The following ROBO1 variants were observed in gnomAD, a reference collection of about 807,000 sequenced individuals.
ROBO1 encodes roundabout guidance receptor 1, also known as roundabout homolog 1.
ROBO1 carries 149 observed loss-of-function variants against 195.9 expected under a neutral mutation model. That is an observed-to-expected ratio of 0.76 (90% confidence interval 0.67 to 0.87). The LOEUF is 0.87. Ranked by LOEUF, ROBO1 falls within the 40% of genes least tolerant of loss-of-function variation. The pLI, the probability that ROBO1 is intolerant of heterozygous loss-of-function variation, is 0.00. For missense variants in ROBO1, 1,933 were observed against 2,068.3 expected (o/e 0.93, Z 1.27); for synonymous variants, 816 against 733.2 (o/e 1.11, Z -1.82).
chr3:78,681,758 C>T (rs556348916), intron 10 of ROBO1, among the ~76,000 whole-genome samples: 47 of 152,184 alleles, frequency 3.1e-4, no homozygotes, highest in African/African-American at 1.1e-3. Context: ...AAAAATTAGT[C>T]GGGCGTGGTG....
chr3:79,375,309 G>C (rs1006722282), intron 2 of ROBO1, among the ~76,000 whole-genome samples: 4 of 152,176 alleles, frequency 2.6e-5, no homozygotes, highest in African/African-American at 9.7e-5. Context: ...AGAGGTGCTA[G>C]AAAAACTGAG....
At chr3:79,054,782 T>A (rs113203490) in intron 3 of ROBO1, among the ~76,000 whole-genome samples, 1,854 of 152,020 alleles carry the variant, frequency 0.012, 52 homozygotes, top group African/African-American at 0.042. Context: ...ATAGATGGAA[T>A]CCCCCTGCCA....
At chr3:79,584,585 G>A (rs569081298) in intron 2 of ROBO1, among the ~76,000 whole-genome samples, 1 of 150,140 alleles carries the variant, frequency 6.7e-6, no homozygotes, top group African/African-American at 2.5e-5. Flanking sequence ...TGTAACAAGA[G>A]ACCTCCATGA....
intron 1 of ROBO1, among the ~76,000 whole-genome samples, chr3:79,632,256 A>T (rs1246692376): frequency 6.6e-6 from 1 of 152,160 alleles, no homozygotes; most frequent in African/African-American, 2.4e-5. Context: ...ATTGATTGGA[A>T]AAAGAAGTGT....
chr3:78,602,024 T>C (rs1419679065), intron 29 of ROBO1, among the ~76,000 whole-genome samples: 1 of 133,708 alleles, frequency 7.5e-6, no homozygotes, highest in African/African-American at 2.8e-5. Flanking sequence ...CATATATGTA[T>C]GTATATCATT....
intron 8 of ROBO1, among the ~76,000 whole-genome samples, chr3:78,711,445 TTCCTTCCTTCCTTCC>T (rs1559774169): frequency 0.011 from 1,204 of 105,278 alleles, 78 homozygotes; most frequent in Non-Finnish European, 0.017. Flanking sequence ...CTTTCTTTCC[TTCCTTCCTTCCTTCC>T]TTCCTTTTCT....
chr3:79,761,888 A>T (rs1012073377), intron 1 of ROBO1, among the ~76,000 whole-genome samples: 2 of 152,158 alleles, frequency 1.3e-5, no homozygotes, highest in African/African-American at 4.8e-5. Context: ...TCCTAGTTAC[A>T]CCTGGAATAG....
chr3:79,557,743 A>ATATATATATATATAT, intron 2 of ROBO1, among the ~76,000 whole-genome samples: 2 of 130,824 alleles, frequency 1.5e-5, no homozygotes, highest in African/African-American at 6.1e-5. Flanking sequence ...AACAAAAAAA[A>ATATATATATATATAT]ATATATATAT....
At chr3:79,653,248 T>C (rs978578832) in intron 1 of ROBO1, among the ~76,000 whole-genome samples, 1 of 151,962 alleles carries the variant, frequency 6.6e-6, no homozygotes, top group Non-Finnish European at 1.5e-5. Flanking sequence ...AAATGAGAAA[T>C]TCATTTAATG....
intron 4 of ROBO1, among the ~76,000 whole-genome samples, chr3:78,849,413 A>C (rs2033887562): frequency 6.6e-6 from 1 of 152,094 alleles, no homozygotes; most frequent in South Asian, 2.1e-4. Flanking sequence ...AAAAATGGTC[A>C]AATTTTTATA....
chr3:79,468,421 G>T (rs1938088607), intron 2 of ROBO1, among the ~76,000 whole-genome samples: 1 of 152,156 alleles, frequency 6.6e-6, no homozygotes, highest in Non-Finnish European at 1.5e-5. Flanking sequence ...AACAAGATTT[G>T]AACAATCGGG....
chr3:79,748,226 TAGTG>T (rs1370655595), intron 1 of ROBO1, among the ~76,000 whole-genome samples: 1 of 152,208 alleles, frequency 6.6e-6, no homozygotes, highest in Non-Finnish European at 1.5e-5. Context: ...AGCTACCTGA[TAGTG>T]AGATATGCAC....
At chr3:79,765,624 C>CA (rs1704943957) in intron 1 of ROBO1, among the ~76,000 whole-genome samples, 1 of 152,106 alleles carries the variant, frequency 6.6e-6, no homozygotes, top group Admixed American at 6.6e-5. Flanking sequence ...ATGAGGCTTC[C>CA]AAATAAATCA....
chr3:79,708,855 A>C (rs1702164049), intron 1 of ROBO1, among the ~76,000 whole-genome samples: 1 of 152,216 alleles, frequency 6.6e-6, no homozygotes, highest in African/African-American at 2.4e-5. Context: ...CAACAGAGCG[A>C]GTCCTTGTCT....
At chr3:79,727,605 C>T (rs960474214) in intron 1 of ROBO1, among the ~76,000 whole-genome samples, 7 of 152,102 alleles carry the variant, frequency 4.6e-5, no homozygotes, top group African/African-American at 1.7e-4. Flanking sequence ...TTTGGCATCT[C>T]TGCTATTTTA....
At chr3:78,877,955 C>G (rs1234604290) in intron 4 of ROBO1, among the ~76,000 whole-genome samples, 2 of 152,126 alleles carry the variant, frequency 1.3e-5, no homozygotes, top group African/African-American at 4.8e-5. Context: ...GGGACTATAG[C>G]ATATATTTGT....
At chr3:78,959,518 T>C (rs1264468960) in intron 3 of ROBO1, among the ~76,000 whole-genome samples, 3 of 152,204 alleles carry the variant, frequency 2.0e-5, no homozygotes, top group Non-Finnish European at 4.4e-5. Context: ...AGTAAAATTA[T>C]TTCAAATCAA....
chr3:79,141,727 A>C (rs1445469459), intron 2 of ROBO1, among the ~76,000 whole-genome samples: 1 of 152,044 alleles, frequency 6.6e-6, no homozygotes, highest in African/African-American at 2.4e-5. Flanking sequence ...ATAAACTTGC[A>C]CTTGATTCTT....
At chr3:79,274,859 T>C (rs2030892136) in intron 2 of ROBO1, among the ~76,000 whole-genome samples, 1 of 151,988 alleles carries the variant, frequency 6.6e-6, no homozygotes, top group Non-Finnish European at 1.5e-5. Flanking sequence ...TGAGCAACTA[T>C]ATGCCAATAA....
Sources: gnomAD v4.1 joint callset for allele counts (sites outside exome capture counted in the v4.1 genomes callset) on GRCh38, gnomAD v4.1.1 for gene constraint, MANE v1.5 for transcripts, NCBI Gene and HGNC (gene_info 2026-07-23, HGNC 2026-07-21) for gene names.